MCF2L: variants seen among roughly 807,000 people sequenced by gnomAD.
MCF2L encodes the protein guanine nucleotide exchange factor DBS.
In MCF2L, 97 loss-of-function variants were observed where a neutral mutation model predicts 153.4. That is an observed-to-expected ratio of 0.63 (90% CI 0.54 to 0.75). MCF2L has a LOEUF of 0.75. MCF2L is among the 30% of genes least tolerant of loss of function. The pLI, the probability that MCF2L is intolerant of heterozygous loss-of-function variation, is 0.00. For missense variants in MCF2L, 1,347 were observed against 1,495.2 expected (o/e 0.90, Z 1.64); for synonymous variants, 659 against 632.2 (o/e 1.04, Z -0.64).
intron 1 of MCF2L, among the ~76,000 whole-genome samples, chr13:113,011,233 A>G (rs1210435828): frequency 2.6e-5 from 4 of 152,170 alleles, no homozygotes; most frequent in African/African-American, 9.7e-5. Flanking sequence ...GCGATATTTT[A>G]GAGTTTATTT....
At chr13:113,005,687 G>A (rs1170041416) in intron 1 of MCF2L, among the ~76,000 whole-genome samples, 5 of 152,126 alleles carry the variant, frequency 3.3e-5, no homozygotes, top group Non-Finnish European at 5.9e-5. Context: ...TGTGGTTAAC[G>A]CTGTATTTGT....
chr13:113,094,748 CTAACCCTGGAAGGTCCA>C, intron 27 of MCF2L, 113 bp downstream of exon 27: 1 of 1,356,606 alleles, frequency 7.4e-7, no homozygotes, highest in African/African-American at 1.4e-5. Context: ...CCAGCTCCTC[CTAACCCTGGAAGGTCCA>C]CATGGGCCTG....
chr13:112,905,176 G>T (rs1469499330), intron 2 of MCF2L, among the ~76,000 whole-genome samples: 1 of 152,220 alleles, frequency 6.6e-6, no homozygotes, highest in Non-Finnish European at 1.5e-5. Context: ...CTGCAGAAGG[G>T]TGCTGCTCAC....
chr13:112,974,612 G>T (rs2140857609), intron 1 of MCF2L, among the ~76,000 whole-genome samples: 2 of 152,312 alleles, frequency 1.3e-5, no homozygotes, highest in South Asian at 4.1e-4. Flanking sequence ...TAGACCTTCA[G>T]GGACTAGTAA....
At chr13:113,033,393 TGATGTGAGTG>T (rs1397449598) in intron 3 of MCF2L, among the ~76,000 whole-genome samples, 35 of 124,214 alleles carry the variant, frequency 2.8e-4, no homozygotes, top group Non-Finnish European at 3.4e-4. Flanking sequence ...GTGGCCCCCG[TGATGTGAGTG>T]GACCCCGTGG....
chr13:112,964,232 G>A (rs1171827202), upstream of MCF2L, among the ~76,000 whole-genome samples: 3 of 152,236 alleles, frequency 2.0e-5, no homozygotes, highest in African/African-American at 7.2e-5. Context: ...AGTTGCCCAC[G>A]TTGATGTCAA....
Position 113,031,678 on chromosome 13 carries a change from G to C in MCF2L, c.278+6920G>C, listed in dbSNP as rs1262721625. On this transcript the variant is annotated intron_variant, in intron 3 of 29. Transcript: ENST00000535094. This position sits in a 1 kb window ranked among gnomAD's most constrained non-coding sequence, Gnocchi z 5.5. ...AAGCCTGGAGCTTGCTGGAGGAGCA[G>C]TGTGGAAGGAATTCACTGAAGCTGA... Among the ~76,000 whole-genome samples, 1 of 152,108 alleles carries C rather than the reference G, an allele frequency of 6.6e-6. No individual in the cohort carries two copies. The highest frequency in any genetic ancestry group is 2.1e-4 in the South Asian group (1 of 4,810).
intron 3 of MCF2L, chr13:113,042,470 G>T (rs1444342166): frequency 6.6e-6 from 1 of 152,230 alleles, no homozygotes; most frequent in African/African-American, 2.4e-5. Context: ...ATGCCTATTT[G>T]TGATACTGGT....
chr13:113,015,387 G>A (rs1476616363), intron 2 of MCF2L, among the ~76,000 whole-genome samples: 2 of 152,212 alleles, frequency 1.3e-5, no homozygotes, highest in East Asian at 3.9e-4. Context: ...TGCCCAACAG[G>A]ACCCGTCAGA....
At chr13:113,040,167 C>T (rs138865383) in intron 3 of MCF2L, among the ~76,000 whole-genome samples, 2,984 of 152,274 alleles carry the variant, frequency 0.02, 48 homozygotes, top group Middle Eastern at 0.082. Context: ...CAAAATTCAA[C>T]GGCAGGCAAA....
At chr13:113,011,415 G>T (rs2084087220) in intron 1 of MCF2L, among the ~76,000 whole-genome samples, 1 of 151,892 alleles carries the variant, frequency 6.6e-6, no homozygotes, top group Non-Finnish European at 1.5e-5. Context: ...GCAGATGATG[G>T]ACAGGTGGTG....
At chr13:112,952,540 A>G (rs969616712) in intron 2 of MCF2L, among the ~76,000 whole-genome samples, 4 of 152,252 alleles carry the variant, frequency 2.6e-5, no homozygotes, top group East Asian at 1.9e-4. Flanking sequence ...GAGGACCCCA[A>G]GGGTTTAGAA....
chr13:112,996,773 C>T (rs1170771822), intron 1 of MCF2L, among the ~76,000 whole-genome samples: 1 of 152,220 alleles, frequency 6.6e-6, no homozygotes, highest in Non-Finnish European at 1.5e-5. Flanking sequence ...TGCCGCCCCT[C>T]CTCTCTCCTG....
chr13:113,004,113 T>TG (rs1025579239), intron 1 of MCF2L, among the ~76,000 whole-genome samples: 1 of 152,206 alleles, frequency 6.6e-6, no homozygotes, highest in African/African-American at 2.4e-5. Context: ...CCCTCGTGGC[T>TG]GGTGCAGGCC....
rs553938082 is a variant in MCF2L at position 113,086,741 on chromosome 13, G to A, written c.2373+492G>A. On this transcript the variant is annotated intron_variant, in intron 21 of 29. Coordinates refer to ENST00000535094, the MANE Select transcript of MCF2L (RefSeq NM_001112732.3). ...ATGTCCACCCAGCACTCATTCTCAG[G>A]TGTTTTTTTTTTAACTAATAGAGTT... Among the ~76,000 whole-genome samples the A allele has an allele frequency of 2.3e-3, 348 of 150,424 alleles. 3 individuals are homozygous for A. Among genetic ancestry groups the A allele is most frequent in the African/African-American group, 8.3e-3 (343 of 41,128 alleles).
chr13:112,984,921 A>G (rs1053769579), intron 1 of MCF2L, among the ~76,000 whole-genome samples: 1 of 152,184 alleles, frequency 6.6e-6, no homozygotes, highest in Admixed American at 6.5e-5. Context: ...CCGTGATCAG[A>G]TGGAGGAAGA....
intron 2 of MCF2L, among the ~76,000 whole-genome samples, chr13:112,962,782 G>A (rs190655003): frequency 1.7e-3 from 259 of 152,266 alleles, no homozygotes; most frequent in African/African-American, 5.5e-3. Flanking sequence ...CGTGTGCACC[G>A]GCTCTGCCCC....
Position 113,064,851 on chromosome 13 carries a change from C to T in MCF2L, c.607-85C>T, listed in dbSNP as rs1394005658. On this transcript the variant is annotated intron_variant, in intron 6 of 29. Transcript: ENST00000535094. The surrounding 1 kb of genome is among the most constrained non-coding windows in gnomAD (Gnocchi z 6.0). ...CTCACCTGATGGGTCTGTGTGGGAA[C>T]GGTTTCCGCCGGTGTCTGCTTTCAG... 4.0e-6 allele frequency: 6 copies of T among 1,486,014 alleles called. No homozygotes were observed. The highest frequency in any genetic ancestry group is 4.6e-5 in the East Asian group (2 of 43,702). 92.1% of individuals were successfully genotyped at this position (1,486,014 alleles called of 1,614,324 possible). A position where few individuals can be genotyped will look rare whatever the true frequency, so the allele number is the denominator to read the frequency against.
At chr13:113,063,173 G>A (rs1007839480) in intron 5 of MCF2L, among the ~76,000 whole-genome samples, 14 of 152,350 alleles carry the variant, frequency 9.2e-5, no homozygotes, top group African/African-American at 2.4e-4. Flanking sequence ...CAGGCACAAC[G>A]TGCCCATTTA....
Sources: gnomAD v4.1 joint callset for allele counts (sites outside exome capture counted in the v4.1 genomes callset) on GRCh38, gnomAD v4.1.1 for gene constraint, Gnocchi (gnomAD v3.1) non-coding constraint, MANE v1.5 for transcripts, NCBI Gene and HGNC (gene_info 2026-07-23, HGNC 2026-07-21) for gene names.